Variants in SIN3B observed in about 807,000 individuals in gnomAD.
SIN3B encodes SIN3 transcription regulator family member B, also known as paired amphipathic helix protein Sin3b.
Under a neutral mutation model 120.2 loss-of-function variants are expected in SIN3B, and 19 were observed. The observed-to-expected ratio is 0.16, with a 90% CI of 0.11 to 0.23. The LOEUF (loss-of-function observed/expected upper bound fraction) is 0.23. Ranked by LOEUF, SIN3B falls within the 10% of genes least tolerant of loss-of-function variation. SIN3B has a pLI of 1.00. For missense variants in SIN3B, 1,073 were observed against 1,573.0 expected, an observed-to-expected ratio of 0.68 and a Z score of 5.38; for synonymous variants, 654 against 653.2, an observed-to-expected ratio of 1.00 and a Z score of -0.02.
In SIN3B at chr19:16,876,100, C is replaced by G. The variant is rs1449211159; in HGVS notation, c.2638C>G (p.Leu880Val). The G allele has an allele frequency of 1.3e-6, 2 of 1,592,264 alleles. No homozygotes were observed. Among genetic ancestry groups the G allele is most frequent in the Middle Eastern group, 1.7e-4 (1 of 6,048 alleles). The change falls in exon 15 of 19, where the codon CTC becomes GTC. Residue 880 changes from leucine (L) to valine (V), a missense_variant. Leu to Val is a conservative substitution (Grantham distance 32). Coordinates refer to ENST00000248054, the MANE Select transcript of SIN3B (RefSeq NM_001297595.2). This position sits in a 1 kb window ranked among gnomAD's most constrained non-coding sequence, Gnocchi z 7.1. Reference protein sequence around the residue: ...SDDVCLKVVELYLNEKKRGAA... With the variant: ...SDDVCLKVVEVYLNEKKRGAA... Reference sequence around the variant, plus strand: ...TGACGTCTGCCTGAAGGTGGTGGAGCTCTACCTGAACGAGAAGAAGCGGGG... The same window carrying G: ...TGACGTCTGCCTGAAGGTGGTGGAGGTCTACCTGAACGAGAAGAAGCGGGG...
chr19:16,857,820 AC>A (rs1971636927), intron 8 of SIN3B, among the ~76,000 whole-genome samples: 1 of 151,294 alleles, frequency 6.6e-6, no homozygotes, highest in Non-Finnish European at 1.5e-5. Context: ...ACTCAGTCTC[AC>A]CCCCATCTGG....
At position 16,869,859 on chromosome 19, in the gene SIN3B, C is replaced by T. The variant is rs2051485333; in HGVS notation, c.2206C>T (p.Leu736=). 6.2e-7 allele frequency: 1 copy of T among 1,614,118 alleles called. No homozygotes were observed. Among genetic ancestry groups the T allele is most frequent in the Admixed American group, 1.7e-5 (1 of 60,016 alleles). The change falls in exon 13 of 19, where the codon CTG becomes TTG. Residue 736 remains leucine, a synonymous_variant. Transcript: ENST00000248054. ...PLPPPAPHKP[L]DDVYSLFFAN... is the part of the protein sequence containing the mutation. ...GCCGCCCCCAGCCCCGCACAAGCCC[C>T]TGGACGATGTCTACAGCCTATTTTT...
intron 7 of SIN3B, 144 bp downstream of exon 7, chr19:16,853,302 G>C: frequency 1.4e-6 from 1 of 696,570 alleles, no homozygotes; most frequent in Non-Finnish European, 2.4e-6. Flanking sequence ...CTGGCCCCCA[G>C]CTTTCACTGC....
chr19:16,875,241 T>G (rs1424766003), intron 14 of SIN3B, among the ~76,000 whole-genome samples: 2 of 140,898 alleles, frequency 1.4e-5, no homozygotes, highest in Non-Finnish European at 3.1e-5. Flanking sequence ...TGGTCTGGTC[T>G]GTTTGGTCTG....
At chr19:16,839,669 G>GC (rs1255753415) in intron 3 of SIN3B, among the ~76,000 whole-genome samples, 1 of 152,114 alleles carries the variant, frequency 6.6e-6, no homozygotes, top group Non-Finnish European at 1.5e-5. Context: ...AACAGACGCA[G>GC]CCCCCTGTGA....
chr19:16,845,852 A>G (rs889383844), intron 4 of SIN3B, among the ~76,000 whole-genome samples: 4 of 152,178 alleles, frequency 2.6e-5, no homozygotes, highest in Non-Finnish European at 5.9e-5. Flanking sequence ...CTTCCAAGTA[A>G]CTAGGACCAC....
At chr19:16,834,765 A>G (rs1172586760) in intron 3 of SIN3B, among the ~76,000 whole-genome samples, 5 of 151,960 alleles carry the variant, frequency 3.3e-5, no homozygotes, top group Non-Finnish European at 7.4e-5. Flanking sequence ...CAGAAACATG[A>G]GAGATATCCC....
chr19:16,841,758 G>A lies in SIN3B; in HGVS notation c.382-10G>A, dbSNP rs201940744. 10 of 1,612,624 alleles carry A rather than the reference G, an allele frequency of 6.2e-6. No individual in the cohort carries two copies. Among genetic ancestry groups the A allele is most frequent in the Non-Finnish European group, 8.5e-6 (10 of 1,178,966 alleles). Reference sequence around the variant, plus strand: ...TCGGGCCTGGCAGTAACTCATTGTCGCCTTGTCAGGAGAATTCGCACAACC... The same window carrying A: ...TCGGGCCTGGCAGTAACTCATTGTCACCTTGTCAGGAGAATTCGCACAACC... On this transcript the variant is annotated splice_polypyrimidine_tract_variant and intron_variant, in intron 3 of 18. Coordinates refer to ENST00000248054, the MANE Select transcript of SIN3B (RefSeq NM_001297595.2).
chr19:16,839,420 T>C (rs554623982), intron 3 of SIN3B, among the ~76,000 whole-genome samples: 2 of 152,280 alleles, frequency 1.3e-5, no homozygotes, highest in African/African-American at 2.4e-5. Context: ...TACCGTCCCA[T>C]CTGGCTCTTT....
rs2051658968 is a variant in SIN3B at position 16,879,209 on chromosome 19, C to T, written c.*482C>T. The T allele has an allele frequency of 6.2e-6, 1 of 161,702 alleles. No individual in the cohort carries two copies. The highest frequency in any genetic ancestry group is 2.4e-5 in the African/African-American group (1 of 41,652). 10.0% of individuals were successfully genotyped at this position (161,702 alleles called of 1,614,324 possible). A position where few individuals can be genotyped will look rare whatever the true frequency, so the allele number is the denominator to read the frequency against. Reference sequence around the variant, plus strand: ...AAAGTGAGTCCTTCCAGAATATTCTCAGAGCTGCCAGAAACATCATCTGAG... The same window carrying T: ...AAAGTGAGTCCTTCCAGAATATTCTTAGAGCTGCCAGAAACATCATCTGAG... On this transcript the variant is annotated 3_prime_UTR_variant, in exon 19 of 19. Transcript: ENST00000248054.
intron 5 of SIN3B, among the ~76,000 whole-genome samples, chr19:16,849,477 A>G (rs1393839988): frequency 6.6e-6 from 1 of 152,228 alleles, no homozygotes; most frequent in Non-Finnish European, 1.5e-5. Context: ...CTGGGTACCA[A>G]TAACTTTACA....
chr19:16,869,032 A>T (rs1971818308), intron 12 of SIN3B, among the ~76,000 whole-genome samples: 1 of 152,050 alleles, frequency 6.6e-6, no homozygotes, highest in Non-Finnish European at 1.5e-5. Context: ...TCGAGCTGGA[A>T]TCAGGCGCCA....
chr19:16,863,132 G>A (rs746262970), intron 9 of SIN3B: 4 of 613,408 alleles, frequency 6.5e-6, no homozygotes, highest in South Asian at 3.9e-5. Context: ...GGGATGGCCT[G>A]CAAAATCTGA....
chr19:16,854,713 G>T (rs1474256668), intron 8 of SIN3B: 3 of 155,576 alleles, frequency 1.9e-5, no homozygotes, highest in African/African-American at 7.2e-5. Context: ...GGCGGGGTGA[G>T]CGCCCTGCAG....
Position 16,875,868 on chromosome 19 carries a change from G to C in SIN3B, c.2593-187G>C, listed in dbSNP as rs566097612. The stretch of plus-strand genomic sequence containing the variant: ...TGGTCTGGTCTGTTTGGTCTGGTCT[G>C]GTCTGGTCTGGTCTGGTCTGTTTGG... On this transcript the variant is annotated intron_variant, in intron 14 of 18. Coordinates refer to ENST00000248054, the MANE Select transcript of SIN3B (RefSeq NM_001297595.2). The C allele has an allele frequency of 1.5e-5, 10 of 661,714 alleles. No individual in the cohort carries two copies. In the East Asian group the frequency reaches 2.8e-4, roughly 18 times the overall value. The allele number at this position is 661,714 out of a possible 1,614,324, so 41.0% of individuals were successfully genotyped here.
chr19:16,865,757 G>C, intron 11 of SIN3B, 109 bp downstream of exon 11: 2 of 744,596 alleles, frequency 2.7e-6, no homozygotes, highest in East Asian at 5.5e-5. Context: ...CATTAGTGCT[G>C]TTTGTCAACA....
intron 8 of SIN3B, among the ~76,000 whole-genome samples, chr19:16,861,810 C>T (rs1032614333): frequency 6.6e-6 from 1 of 151,992 alleles, no homozygotes; most frequent in African/African-American, 2.4e-5. Context: ...TGGCACATGC[C>T]TGTGGTCCCA....
At chr19:16,832,264 C>T (rs1204509481) in intron 3 of SIN3B, among the ~76,000 whole-genome samples, 1 of 142,992 alleles carries the variant, frequency 7.0e-6, no homozygotes, top group Admixed American at 7.8e-5. Flanking sequence ...GTGGCGCAAT[C>T]TCAGCTCAGT....
In SIN3B at chr19:16,877,542, C is replaced by A. The variant is rs1401400471; in HGVS notation, c.2860-3C>A. On this transcript the variant is annotated splice_polypyrimidine_tract_variant and splice_region_variant and intron_variant, in intron 16 of 18. Transcript: ENST00000248054. ...CACGGGCTGTGTCTCTCCCTGTCCC[C>A]AGCACCTGGCTCGGTACGTGGAGCA... The A allele has an allele frequency of 4.4e-6, 7 of 1,603,300 alleles. No individual in the cohort carries two copies. In the East Asian group the frequency reaches 1.6e-4, roughly 36 times the overall value.
Sources: gnomAD v4.1 joint callset for allele counts (sites outside exome capture counted in the v4.1 genomes callset) on GRCh38, gnomAD v4.1.1 for gene constraint, Gnocchi (gnomAD v3.1) non-coding constraint, MANE v1.5 for transcripts, NCBI Gene and HGNC (gene_info 2026-07-23, HGNC 2026-07-21) for gene names.